The following TGM3 variants were observed in gnomAD, a reference collection of about 807,000 sequenced individuals.
TGM3 encodes protein-glutamine gamma-glutamyltransferase E.
In TGM3, 52 loss-of-function variants were observed where a neutral mutation model predicts 73.8. The ratio of observed to expected loss-of-function variants is 0.70; its 90% confidence interval spans 0.56 to 0.89. The LOEUF is 0.89. Ranked by LOEUF, TGM3 falls within the 40% of genes least tolerant of loss-of-function variation. The probability of loss-of-function intolerance (pLI) is 0.00; values close to 1 mark genes in which losing one functional copy is unlikely to be tolerated. For synonymous variants in TGM3, 372 were observed against 354.9 expected (o/e 1.05, Z -0.54); for missense variants, 928 against 909.9 (o/e 1.02, Z -0.26).
intron 3 of TGM3, 73 bp downstream of exon 3, chr20:2,310,490 C>G: frequency 1.9e-6 from 3 of 1,572,124 alleles, no homozygotes; most frequent in Non-Finnish European, 1.7e-6. Flanking sequence ...GGGAAATGAT[C>G]TTCACAGGCT....
chr20:2,332,448 A>G lies in TGM3; in HGVS notation c.1642+138A>G. On this transcript the variant is annotated intron_variant, in intron 10 of 12. Transcript: ENST00000381458. The surrounding 1 kb of genome is among the most constrained non-coding windows in gnomAD (Gnocchi z 4.4). ...AGCGGCCCCTGTGGTTAAGCCATGT[A>G]TTAATGCTTTGGAAGTTTCTGTCTC... The G allele has an allele frequency of 1.1e-6, 1 of 875,962 alleles. No homozygotes were observed. The highest frequency in any genetic ancestry group is 1.7e-6 in the Non-Finnish European group (1 of 590,426). The allele number at this position is 875,962 out of a possible 1,614,324, so 54.3% of individuals were successfully genotyped here.
intron 1 of TGM3, among the ~76,000 whole-genome samples, chr20:2,308,949 C>T (rs2122217110): frequency 6.6e-6 from 1 of 151,136 alleles, no homozygotes; most frequent in East Asian, 2.0e-4. Flanking sequence ...GTGACCTTGG[C>T]TCACTGCAAC....
intron 7 of TGM3, among the ~76,000 whole-genome samples, chr20:2,319,289 C>A (rs2084251220): frequency 6.6e-6 from 1 of 152,174 alleles, no homozygotes; most frequent in East Asian, 1.9e-4. Flanking sequence ...ACATTAGGAA[C>A]TGCAGGGACG....
chr20:2,323,126 T>C (rs887631936), intron 7 of TGM3, among the ~76,000 whole-genome samples: 2 of 152,212 alleles, frequency 1.3e-5, no homozygotes, highest in African/African-American at 2.4e-5. Context: ...ATAAGTTCTT[T>C]AGTGGCAATT....
rs774796716 is a variant in TGM3, at chr20:2,340,915, G to A, written c.*334G>A. 41 of 493,776 alleles carry A rather than the reference G, an allele frequency of 8.3e-5. No individual in the cohort carries two copies. Among genetic ancestry groups the A allele is most frequent in the East Asian group, 1.2e-4 (2 of 16,724 alleles). The allele number at this position is 493,776 out of a possible 1,614,324, so 30.6% of individuals were successfully genotyped here. On this transcript the variant is annotated 3_prime_UTR_variant, in exon 13 of 13. Coordinates refer to ENST00000381458, the MANE Select transcript of TGM3 (RefSeq NM_003245.4). ...CCCCTGACCCAGGGACTCTCCAAAC[G>A]GGATACAGGAGAGAAGCTGGTCTAG...
At chr20:2,307,300 T>G (rs942571991) in intron 1 of TGM3, among the ~76,000 whole-genome samples, 11 of 152,120 alleles carry the variant, frequency 7.2e-5, no homozygotes, top group African/African-American at 2.2e-4. Flanking sequence ...GGTGACCCTC[T>G]GCCCCATCTC....
At chr20:2,310,553 A>C in intron 3 of TGM3, 136 bp downstream of exon 3, 1 of 1,393,856 alleles carries the variant, frequency 7.2e-7, no homozygotes, top group Non-Finnish European at 9.7e-7. Flanking sequence ...AGAAGCTAGA[A>C]ATGAGGAGCT....
intron 4 of TGM3, among the ~76,000 whole-genome samples, chr20:2,312,442 AG>A (rs1368370926): frequency 6.7e-6 from 1 of 150,358 alleles, no homozygotes; most frequent in African/African-American, 2.5e-5. Flanking sequence ...CAGAGCTAGA[AG>A]GAAACTCTGA....
intron 4 of TGM3, among the ~76,000 whole-genome samples, chr20:2,312,133 C>T (rs1055769889): frequency 1.3e-5 from 2 of 152,290 alleles, no homozygotes; most frequent in Non-Finnish European, 1.5e-5. Context: ...GGTGCAGTGG[C>T]TCACGCCTGT....
At chr20:2,326,695 A>C (rs1235381741) in intron 8 of TGM3, among the ~76,000 whole-genome samples, 1 of 152,104 alleles carries the variant, frequency 6.6e-6, no homozygotes, top group Admixed American at 6.5e-5. Flanking sequence ...GTAAAAATAC[A>C]AAATTAGTCG....
intron 1 of TGM3, among the ~76,000 whole-genome samples, chr20:2,306,162 G>C (rs1484170472): frequency 6.6e-6 from 1 of 152,164 alleles, no homozygotes; most frequent in Non-Finnish European, 1.5e-5. Context: ...AGCAAAGAAG[G>C]GTGTGGGCCT....
rs771724814 is a variant in TGM3, at chr20:2,328,246, C to G, written c.1214C>G (p.Thr405Ser). The G allele has an allele frequency of 1.9e-5, 30 of 1,614,190 alleles. 1 individual carries two copies. The South Asian group carries it at 3.3e-4, about 18-fold the overall frequency. The change falls in exon 9 of 13, where the codon ACC becomes AGC. Residue 405 changes from threonine to serine, a missense_variant. By Grantham distance (58) the Thr-to-Ser change is moderately conservative. Coordinates refer to ENST00000381458, the MANE Select transcript of TGM3 (RefSeq NM_003245.4). The surrounding 1 kb of genome is among the most constrained non-coding windows in gnomAD (Gnocchi z 5.2). ...ADRITWLYDN[T>S]TGKQWKNSVN... Reference sequence around the variant, plus strand: ...CGCATCACCTGGCTGTACGACAACACCACTGGCAAACAGTGGAAGAATTCC... The same window carrying G: ...CGCATCACCTGGCTGTACGACAACAGCACTGGCAAACAGTGGAAGAATTCC...
At chr20:2,319,044 A>G (rs867023579) in intron 7 of TGM3, among the ~76,000 whole-genome samples, 2 of 152,224 alleles carry the variant, frequency 1.3e-5, no homozygotes, top group Middle Eastern at 3.4e-3. Flanking sequence ...CACATACACA[A>G]CTTTCTCTCT....
intron 5 of TGM3, 152 bp from the exon 6 acceptor site, chr20:2,316,916 T>C (rs898476225): frequency 3.3e-6 from 3 of 903,136 alleles, no homozygotes; most frequent in African/African-American, 3.3e-5. Flanking sequence ...ACAATGATCA[T>C]CCCCAAGTCA....
At chr20:2,297,214 C>T (rs780428250) in intron 1 of TGM3, among the ~76,000 whole-genome samples, 14 of 152,202 alleles carry the variant, frequency 9.2e-5, no homozygotes, top group Non-Finnish European at 1.3e-4. Context: ...CATCGCAGAG[C>T]CAGCTAGGTC....
intron 1 of TGM3, among the ~76,000 whole-genome samples, chr20:2,304,061 A>G (rs2084165362): frequency 1.3e-5 from 2 of 152,202 alleles, no homozygotes; most frequent in South Asian, 2.1e-4. Context: ...CTTCACCCAG[A>G]CTGTGCAGAA....
At position 2,317,052 on chromosome 20, in the gene TGM3, G is replaced by A. The variant is rs747102640; in HGVS notation, c.670-16G>A. ...CATTAGTGCTGACTCATTTTGGGGG[G>A]GTGGTTTCTGCCCAGATCAATAGCA... On this transcript the variant is annotated splice_polypyrimidine_tract_variant and intron_variant, in intron 5 of 12. Coordinates refer to ENST00000381458, the MANE Select transcript of TGM3 (RefSeq NM_003245.4). 16 of 1,611,642 alleles carry A rather than the reference G, an allele frequency of 9.9e-6. No homozygotes were observed. Among genetic ancestry groups the A allele is most frequent in the African/African-American group, 1.3e-5 (1 of 74,962 alleles).
At chr20:2,310,975 T>C in intron 3 of TGM3, 36 bp from the exon 4 acceptor site, 2 of 1,575,756 alleles carry the variant, frequency 1.3e-6, no homozygotes, top group East Asian at 2.2e-5. Flanking sequence ...CCTCCGAGGA[T>C]TCTAGTCGCT....
intron 8 of TGM3, among the ~76,000 whole-genome samples, chr20:2,326,367 C>T (rs1046861126): frequency 6.6e-6 from 1 of 152,240 alleles, no homozygotes; most frequent in Non-Finnish European, 1.5e-5. Context: ...CCAAGCTCCC[C>T]CTTAGGCAGG....
Sources: gnomAD v4.1 joint callset for allele counts (sites outside exome capture counted in the v4.1 genomes callset) on GRCh38, gnomAD v4.1.1 for gene constraint, Gnocchi (gnomAD v3.1) non-coding constraint, MANE v1.5 for transcripts, NCBI Gene and HGNC (gene_info 2026-07-23, HGNC 2026-07-21) for gene names.